Variants in FAT3 observed in about 807,000 individuals in gnomAD.
FAT3 encodes the protein FAT atypical cadherin 3.
Under a neutral mutation model 310.2 loss-of-function variants are expected in FAT3, and 95 were observed. The observed-to-expected ratio is 0.31, with a 90% CI of 0.26 to 0.36. The LOEUF (loss-of-function observed/expected upper bound fraction) is 0.36, where lower values mean the gene tolerates loss of function less well. FAT3 is among the 10% of genes least tolerant of loss of function. The pLI is 1.00. For missense variants in FAT3, 5,408 were observed against 5,715.6 expected (o/e 0.95, Z 1.74); for synonymous variants, 2,314 against 2,192.9 (o/e 1.06, Z -1.54).
intron 3 of FAT3, among the ~76,000 whole-genome samples, chr11:92,636,695 T>C (rs1359243662): frequency 6.6e-6 from 1 of 152,234 alleles, no homozygotes; most frequent in African/African-American, 2.4e-5. Flanking sequence ...TACTGAAGAC[T>C]CTGCTTTCAC....
intron 3 of FAT3, among the ~76,000 whole-genome samples, chr11:92,632,711 G>A (rs113511974): frequency 8.5e-4 from 129 of 152,328 alleles, no homozygotes; most frequent in Admixed American, 3.7e-3. Context: ...GGGAAGTTCC[G>A]TGTGCTGCAG....
chr11:92,320,244 T>C (rs1947576659), intron 1 of FAT3, among the ~76,000 whole-genome samples: 1 of 152,206 alleles, frequency 6.6e-6, no homozygotes, highest in Admixed American at 6.5e-5. Context: ...TACTTTTAGG[T>C]AGTCTTAGTT....
At chr11:92,647,745 A>G (rs1052857153) in intron 3 of FAT3, among the ~76,000 whole-genome samples, 1 of 152,112 alleles carries the variant, frequency 6.6e-6, no homozygotes, top group Non-Finnish European at 1.5e-5. Context: ...TTCCTCAATC[A>G]TGTTTCTGGA....
At chr11:92,485,473 T>C (rs1001383280) in intron 2 of FAT3, among the ~76,000 whole-genome samples, 2 of 152,304 alleles carry the variant, frequency 1.3e-5, no homozygotes, top group African/African-American at 2.4e-5. Flanking sequence ...ATTTAGACTA[T>C]TGGAATAATT....
chr11:92,537,424 A>G (rs1954296378), intron 3 of FAT3, among the ~76,000 whole-genome samples: 1 of 152,128 alleles, frequency 6.6e-6, no homozygotes, highest in South Asian at 2.1e-4. Context: ...TGCTGTAAAT[A>G]ACTCTGGTGA....
At chr11:92,718,964 T>C (rs1944445989) in intron 4 of FAT3, among the ~76,000 whole-genome samples, 1 of 152,194 alleles carries the variant, frequency 6.6e-6, no homozygotes, top group Non-Finnish European at 1.5e-5. Flanking sequence ...TTGGTTCTTC[T>C]CTATGCTTTG....
At chr11:92,299,476 T>C (rs1436956019) in intron 1 of FAT3, among the ~76,000 whole-genome samples, 1 of 152,142 alleles carries the variant, frequency 6.6e-6, no homozygotes, top group East Asian at 1.9e-4. Context: ...GGCTGCTTTA[T>C]GCTTCTAATG....
At chr11:92,503,165 A>G (rs1952996028) in intron 2 of FAT3, among the ~76,000 whole-genome samples, 1 of 152,084 alleles carries the variant, frequency 6.6e-6, no homozygotes. Context: ...GCAGTTTCAG[A>G]GTGTGGCAAC....
intron 1 of FAT3, among the ~76,000 whole-genome samples, chr11:92,301,316 C>T (rs1341348658): frequency 1.3e-5 from 2 of 152,124 alleles, no homozygotes; most frequent in African/African-American, 4.8e-5. Context: ...AGAAAGGGCA[C>T]TACAGTGGAT....
chr11:92,808,447 G>A (rs570962662), intron 12 of FAT3, among the ~76,000 whole-genome samples: 5 of 152,318 alleles, frequency 3.3e-5, no homozygotes, highest in Non-Finnish European at 5.9e-5. Flanking sequence ...AGAGCATAGC[G>A]CATCCAGGTA....
At chr11:92,496,352 C>T (rs77834942) in intron 2 of FAT3, among the ~76,000 whole-genome samples, 5,380 of 152,110 alleles carry the variant, frequency 0.035, 318 homozygotes, top group African/African-American at 0.12. Context: ...CTCCACCGCA[C>T]CCTCTGCTGT....
chr11:92,336,507 C>T (rs981898732), intron 1 of FAT3: 7 of 255,932 alleles, frequency 2.7e-5, no homozygotes, highest in Non-Finnish European at 4.6e-5. Flanking sequence ...GACAGATAGT[C>T]CTACAGGGTC....
chr11:92,253,757 T>C (rs1865216014), intron 1 of FAT3, among the ~76,000 whole-genome samples: 1 of 152,178 alleles, frequency 6.6e-6, no homozygotes, highest in Admixed American at 6.6e-5. Context: ...TTTTTCTCCC[T>C]AGTACTTTTT....
At chr11:92,443,550 C>T (rs1340626887) in intron 2 of FAT3, among the ~76,000 whole-genome samples, 1 of 152,210 alleles carries the variant, frequency 6.6e-6, no homozygotes, top group African/African-American at 2.4e-5. Context: ...TGGTCTCTTA[C>T]ACATGAGAAT....
At chr11:92,315,510 T>TAGAGAGAGAG (rs1197551111) in intron 1 of FAT3, among the ~76,000 whole-genome samples, 14 of 78,156 alleles carry the variant, frequency 1.8e-4, no homozygotes, top group African/African-American at 2.7e-4. Flanking sequence ...TATATATATA[T>TAGAGAGAGAG]ATAGAGAGAG....
At chr11:92,567,843 A>G (rs2135492789) in intron 3 of FAT3, among the ~76,000 whole-genome samples, 1 of 142,620 alleles carries the variant, frequency 7.0e-6, no homozygotes, top group Non-Finnish European at 1.5e-5. Context: ...CAATGAGAAC[A>G]CATGGACACA....
intron 3 of FAT3, among the ~76,000 whole-genome samples, chr11:92,650,933 C>G (rs1387618193): frequency 6.6e-6 from 1 of 152,194 alleles, no homozygotes; most frequent in East Asian, 1.9e-4. Flanking sequence ...AGCTAGTTAG[C>G]TAGGTATGCT....
chr11:92,435,484 T>A (rs910156549), intron 2 of FAT3, among the ~76,000 whole-genome samples: 97 of 134,216 alleles, frequency 7.2e-4, no homozygotes, highest in African/African-American at 2.9e-3. Flanking sequence ...CCTTCCTTCC[T>A]TCCTTCCTTC....
At chr11:92,785,582 A>G (rs1291995891) in intron 7 of FAT3, among the ~76,000 whole-genome samples, 2 of 152,288 alleles carry the variant, frequency 1.3e-5, no homozygotes. Flanking sequence ...CAAAAAAAAC[A>G]GTGAAATATA....
Sources: gnomAD v4.1 joint callset for allele counts (sites outside exome capture counted in the v4.1 genomes callset) on GRCh38, gnomAD v4.1.1 for gene constraint, MANE v1.5 for transcripts, NCBI Gene and HGNC (gene_info 2026-07-23, HGNC 2026-07-21) for gene names.